Variants in LCLAT1 observed in about 807,000 individuals in gnomAD.
LCLAT1 encodes the protein lysocardiolipin acyltransferase 1.
A neutral mutation model predicts 30.7 loss-of-function variants in LCLAT1; 11 were observed. That is an observed-to-expected ratio of 0.36 (90% CI 0.23 to 0.59). The LOEUF is 0.59. LCLAT1 is among the 20% of genes least tolerant of loss of function. LCLAT1 has a pLI of 0.77. For missense variants in LCLAT1, 402 were observed against 458.6 expected, an observed-to-expected ratio of 0.88 and a Z score of 1.13; for synonymous variants, 155 against 151.3, an observed-to-expected ratio of 1.02 and a Z score of -0.18.
Position 30,590,391 on chromosome 2 carries a change from G to A in LCLAT1, c.628+22215G>A, listed in dbSNP as rs1666637217. Among the ~76,000 whole-genome samples, 4 of 151,240 alleles carry A rather than the reference G, an allele frequency of 2.6e-5. No individual in the cohort carries two copies. The South Asian group carries it at 8.3e-4, about 31-fold the overall frequency. ...CCTAGCTGAAACAACTTTATAGATG[G>A]CAGGGAAATCACTTGATTTATAAAA... is the stretch of plus-strand genomic sequence containing the variant. On this transcript the variant is annotated intron_variant, in intron 5 of 5. Coordinates refer to ENST00000379509, the MANE Select transcript of LCLAT1 (RefSeq NM_001002257.3).
Position 30,539,671 on chromosome 2 carries a change from T to C in LCLAT1, c.364+6357T>C, listed in dbSNP as rs1487621216. On this transcript the variant is annotated intron_variant, in intron 3 of 5. Coordinates refer to ENST00000379509, the MANE Select transcript of LCLAT1 (RefSeq NM_001002257.3). ...CTTCTCTTGGATAAATGGTTTGTACTTCTTAATCATGGTCCATCTTAAATT... is the reference window on the plus strand; with the variant it reads ...CTTCTCTTGGATAAATGGTTTGTACCTCTTAATCATGGTCCATCTTAAATT... Among the ~76,000 whole-genome samples the C allele has an allele frequency of 2.0e-5, 3 of 152,204 alleles. No individual in the cohort carries two copies. The East Asian group carries it at 5.8e-4, about 29-fold the overall frequency.
chr2:30,604,660 CAAAAAAAAA>C (rs71405526), intron 5 of LCLAT1, among the ~76,000 whole-genome samples: 2 of 95,874 alleles, frequency 2.1e-5, no homozygotes, highest in African/African-American at 3.9e-5. Context: ...GACTCCGTCT[CAAAAAAAAA>C]AAAAAAAAAA....
intron 5 of LCLAT1, among the ~76,000 whole-genome samples, chr2:30,577,290 G>A (rs899598192): frequency 3.9e-5 from 6 of 151,984 alleles, no homozygotes; most frequent in Non-Finnish European, 8.8e-5. Context: ...AAGAATGTCA[G>A]TAACTTCTAA....
chr2:30,626,587 A>G (rs1668522042), intron 5 of LCLAT1, among the ~76,000 whole-genome samples: 1 of 152,102 alleles, frequency 6.6e-6, no homozygotes. Context: ...TATCTTACTC[A>G]TCTTGTCAAA....
chr2:30,495,523 G>A (rs1239267222), intron 1 of LCLAT1, among the ~76,000 whole-genome samples: 2 of 151,966 alleles, frequency 1.3e-5, no homozygotes, highest in Non-Finnish European at 2.9e-5. Context: ...TTAAAATACA[G>A]TATAAGATAT....
At chr2:30,569,625 A>G (rs935921786) in intron 5 of LCLAT1, among the ~76,000 whole-genome samples, 5 of 151,974 alleles carry the variant, frequency 3.3e-5, no homozygotes, top group Non-Finnish European at 5.9e-5. Context: ...CTTTCCCTAA[A>G]TGGCATCACT....
chr2:30,493,700 C>T (rs1683954395), intron 1 of LCLAT1, among the ~76,000 whole-genome samples: 1 of 152,156 alleles, frequency 6.6e-6, no homozygotes, highest in Admixed American at 6.5e-5. Flanking sequence ...CCCCTAGCAA[C>T]CACTGATCTT....
At chr2:30,597,189 G>A (rs1174133333) in intron 5 of LCLAT1, among the ~76,000 whole-genome samples, 4 of 151,136 alleles carry the variant, frequency 2.6e-5, no homozygotes, top group Non-Finnish European at 5.9e-5. Context: ...GAATGTCAAC[G>A]GCAGTTTAAT....
chr2:30,533,858 A>G lies in LCLAT1; in HGVS notation c.364+544A>G, dbSNP rs1018084432. Among the ~76,000 whole-genome samples the G allele has an allele frequency of 3.3e-5, 5 of 152,218 alleles. No individual in the cohort carries two copies. In the East Asian group the frequency reaches 9.6e-4, roughly 29 times the overall value. On this transcript the variant is annotated intron_variant, in intron 3 of 5. Coordinates refer to ENST00000379509, the MANE Select transcript of LCLAT1 (RefSeq NM_001002257.3). ...TTTATTTTAAATGGCTAGGAATACA[A>G]CATGTTCATTGTGTGTTGGAGAAGT... is the stretch of plus-strand genomic sequence containing the variant.
At position 30,640,385 on chromosome 2, in the gene LCLAT1, G is replaced by C; in HGVS notation, c.897G>C (p.Lys299Asn). 6.2e-7 allele frequency: 1 copy of C among 1,614,184 alleles called. No individual in the cohort carries two copies. The highest frequency in any genetic ancestry group is 1.1e-5 in the South Asian group (1 of 91,072). ...FTGQSVIPPC[K>N]SELRVLVVKL... is the part of the protein sequence containing the mutation. ...GACAGAGTGTCATTCCACCTTGCAA[G>C]TCTGAACTCAGGGTCCTTGTGGTCA... Residue 299 changes from lysine to asparagine, a missense_variant, in exon 6 of 6, where the codon AAG (lysine) becomes AAC (asparagine). Lys to Asn is a moderately conservative substitution (Grantham distance 94, BLOSUM62 0). Coordinates refer to ENST00000379509, the MANE Select transcript of LCLAT1 (RefSeq NM_001002257.3).
At chr2:30,583,571 G>A (rs1666297862) in intron 5 of LCLAT1, among the ~76,000 whole-genome samples, 1 of 152,196 alleles carries the variant, frequency 6.6e-6, no homozygotes, top group African/African-American at 2.4e-5. Context: ...TCACCTTGGG[G>A]AAGGGTGGTT....
At chr2:30,534,309 G>A (rs1458286385) in intron 3 of LCLAT1, among the ~76,000 whole-genome samples, 2 of 151,196 alleles carry the variant, frequency 1.3e-5, no homozygotes, top group African/African-American at 4.9e-5. Flanking sequence ...CGCTCAGGCT[G>A]GAGTGCAGTG....
intron 3 of LCLAT1, among the ~76,000 whole-genome samples, chr2:30,542,412 C>T (rs954489705): frequency 1.3e-5 from 2 of 152,094 alleles, no homozygotes; most frequent in Non-Finnish European, 2.9e-5. Flanking sequence ...TTTCCATCAG[C>T]TTTTATTAAA....
At chr2:30,625,893 AT>A (rs1180674365) in intron 5 of LCLAT1, among the ~76,000 whole-genome samples, 2 of 152,230 alleles carry the variant, frequency 1.3e-5, no homozygotes, top group Non-Finnish European at 2.9e-5. Flanking sequence ...TTCTGCAAGT[AT>A]AAAAGAAAGA....
At chr2:30,527,090 A>G (rs1405464896) in intron 2 of LCLAT1, among the ~76,000 whole-genome samples, 1 of 152,184 alleles carries the variant, frequency 6.6e-6, no homozygotes, top group Non-Finnish European at 1.5e-5. Flanking sequence ...TGTTCAGTTT[A>G]TGTAATATTA....
intron 5 of LCLAT1, among the ~76,000 whole-genome samples, chr2:30,609,556 A>G (rs1238421204): frequency 6.6e-6 from 1 of 152,044 alleles, no homozygotes; most frequent in Non-Finnish European, 1.5e-5. Context: ...TTTTTCCACA[A>G]CCACTTGATT....
chr2:30,629,324 C>T (rs1218378303), intron 5 of LCLAT1, among the ~76,000 whole-genome samples: 1 of 152,170 alleles, frequency 6.6e-6, no homozygotes, highest in African/African-American at 2.4e-5. Flanking sequence ...CTTTGGGAGG[C>T]TGAGGCAGGT....
At chr2:30,543,727 A>T (rs1664260618) in intron 3 of LCLAT1, among the ~76,000 whole-genome samples, 1 of 152,116 alleles carries the variant, frequency 6.6e-6, no homozygotes, top group Non-Finnish European at 1.5e-5. Context: ...TTAATGCTTA[A>T]AGAGTCTGTG....
At chr2:30,542,586 TC>T (rs1664193835) in intron 3 of LCLAT1, among the ~76,000 whole-genome samples, 1 of 152,126 alleles carries the variant, frequency 6.6e-6, no homozygotes, top group South Asian at 2.1e-4. Flanking sequence ...TGAGTATTTT[TC>T]CTCTCCATTA....
Sources: allele counts gnomAD v4.1 joint callset (sites outside exome capture counted in the v4.1 genomes callset), GRCh38; gene constraint gnomAD v4.1.1; transcripts MANE v1.5; gene names NCBI Gene and HGNC (gene_info 2026-07-23, HGNC 2026-07-21).